The following OLFML2A variants were observed in gnomAD, a reference collection of about 807,000 sequenced individuals.
OLFML2A encodes olfactomedin-like protein 2A.
In OLFML2A, 47 loss-of-function variants were observed where a neutral mutation model predicts 60.9. The observed-to-expected ratio is 0.77, with a 90% CI of 0.61 to 0.98. The LOEUF (loss-of-function observed/expected upper bound fraction) is 0.98. Ranked by LOEUF, OLFML2A falls within the 50% of genes least tolerant of loss-of-function variation. The probability of loss-of-function intolerance (pLI) is 0.00; values close to 1 mark genes in which losing one functional copy is unlikely to be tolerated. For missense variants in OLFML2A, 922 were observed against 879.8 expected (o/e 1.05, Z -0.61); for synonymous variants, 372 against 375.0 (o/e 0.99, Z 0.09).
intron 6 of OLFML2A, among the ~76,000 whole-genome samples, chr9:124,805,967 C>T (rs1221805360): frequency 1.3e-5 from 2 of 151,568 alleles, no homozygotes; most frequent in Non-Finnish European, 2.9e-5. Flanking sequence ...AGGCACACAC[C>T]ACCACGCCTG....
intron 2 of OLFML2A, among the ~76,000 whole-genome samples, chr9:124,788,296 G>A (rs1187118671): frequency 3.4e-5 from 4 of 118,106 alleles, no homozygotes; most frequent in South Asian, 2.9e-4. Flanking sequence ...AGCGAGACTC[G>A]GTCTCAAAAA....
intron 1 of OLFML2A, among the ~76,000 whole-genome samples, chr9:124,785,390 CTTTTTTTTTTTTT>C (rs1171618111): frequency 3.2e-5 from 2 of 62,254 alleles, no homozygotes; most frequent in African/African-American, 6.7e-5. Context: ...CATTTTCTTT[CTTTTTTTTTTTTT>C]TTTTTTTTTT....
At chr9:124,799,245 G>C in intron 3 of OLFML2A, 40 bp from the exon 4 acceptor site, 1 of 1,419,814 alleles carries the variant, frequency 7.0e-7, no homozygotes, top group Admixed American at 1.7e-5. Context: ...TTCAGAGGAA[G>C]CTGGCCCAGG....
chr9:124,801,795 T>C, intron 5 of OLFML2A, 132 bp downstream of exon 5: 1 of 1,015,384 alleles, frequency 9.8e-7, no homozygotes, highest in Non-Finnish European at 1.4e-6. Flanking sequence ...TGCCCTCTGC[T>C]CATTCACATA....
chr9:124,814,036 T>C lies in OLFML2A; in HGVS notation c.*3624T>C, dbSNP rs1297273892. 6.6e-6 allele frequency: 1 copy of C among 152,234 alleles called. No homozygotes were observed. Among genetic ancestry groups the C allele is most frequent in the African/African-American group, 2.4e-5 (1 of 41,462 alleles). The allele number at this position is 152,234 out of a possible 1,614,324, so 9.4% of individuals were successfully genotyped here. A position where few individuals can be genotyped will look rare whatever the true frequency, so the allele number is the denominator to read the frequency against. ...GGGTGTTTCTGAACAACGTGACTCA[T>C]GAGGGGCTTTGGCTACCTCTTGCGT... On this transcript the variant is annotated 3_prime_UTR_variant, in exon 8 of 8. Transcript: ENST00000373580.
At chr9:124,785,390 C>CTTT (rs1171618111) in intron 1 of OLFML2A, among the ~76,000 whole-genome samples, 905 of 62,050 alleles carry the variant, frequency 0.015, 1 homozygote, top group Non-Finnish European at 0.016. Context: ...CATTTTCTTT[C>CTTT]TTTTTTTTTT....
At position 124,810,420 on chromosome 9, in the gene OLFML2A, CCT is replaced by C. The variant is rs751060239; in HGVS notation, c.*9_*10del. 3 of 1,585,490 alleles carry C rather than the reference CCT, an allele frequency of 1.9e-6. No individual in the cohort carries two copies. The African/African-American group carries it at 4.0e-5, about 21-fold the overall frequency. ...CTCCACTTCGTGGTCTGAGTGGAGA[CCT>C]GTGCTCCCCGGAGAGGGGCAGCAGT... is the stretch of plus-strand genomic sequence containing the variant. On this transcript the variant is annotated 3_prime_UTR_variant, in exon 8 of 8. Coordinates refer to ENST00000373580, the MANE Select transcript of OLFML2A (RefSeq NM_182487.4).
Position 124,810,531 on chromosome 9 carries a change from G to A in OLFML2A, c.*119G>A. 1 of 1,028,524 alleles carries A rather than the reference G, an allele frequency of 9.7e-7. No homozygotes were observed. Among genetic ancestry groups the A allele is most frequent in the South Asian group, 1.7e-5 (1 of 59,802 alleles). The allele number at this position is 1,028,524 out of a possible 1,614,324, so 63.7% of individuals were successfully genotyped here. ...GGGGCCAGCCCAGGGCTGGGACTGG[G>A]CATGAGGTGGTCACCAGGATTGAGC... On this transcript the variant is annotated 3_prime_UTR_variant, in exon 8 of 8. Transcript: ENST00000373580.
In OLFML2A at chr9:124,781,591, C is replaced by T. The variant is rs578023146; in HGVS notation, c.90+4231C>T. Among the ~76,000 whole-genome samples, 90 of 152,144 alleles carry T rather than the reference C, an allele frequency of 5.9e-4. 1 individual carries two copies. The South Asian group carries it at 0.018, about 31-fold the overall frequency. ...GGCAGATCACCTGAGGTCAGGAGTTCGAGACCAGCCTGGCCAACATAGTGA... is the reference window on the plus strand; with the variant it reads ...GGCAGATCACCTGAGGTCAGGAGTTTGAGACCAGCCTGGCCAACATAGTGA... On this transcript the variant is annotated intron_variant, in intron 1 of 7. Coordinates refer to ENST00000373580, the MANE Select transcript of OLFML2A (RefSeq NM_182487.4).
intron 4 of OLFML2A, chr9:124,800,781 T>C (rs1841758675): frequency 7.9e-6 from 10 of 1,262,186 alleles, no homozygotes; most frequent in Non-Finnish European, 1.0e-5. Context: ...TAACGATGAG[T>C]GATGTCACAG....
chr9:124,802,307 C>CT (rs1841793326), intron 5 of OLFML2A, among the ~76,000 whole-genome samples: 1 of 152,208 alleles, frequency 6.6e-6, no homozygotes, highest in East Asian at 1.9e-4. Flanking sequence ...CACTAAGACC[C>CT]GCCCCAGATG....
At position 124,810,254 on chromosome 9, in the gene OLFML2A, G is replaced by A. The variant is rs1467617032; in HGVS notation, c.1801G>A (p.Ala601Thr). ...YNQQEGQVAY[A>T]FDTHTGTDAR... is the part of the protein sequence containing the mutation. Reference sequence around the variant, plus strand: ...CCAGCAGGAAGGCCAGGTCGCCTACGCTTTCGACACGCACACGGGCACCGA... The same window carrying A: ...CCAGCAGGAAGGCCAGGTCGCCTACACTTTCGACACGCACACGGGCACCGA... The change falls in exon 8 of 8, where the codon GCT (alanine) becomes ACT (threonine). Residue 601 changes from alanine (A) to threonine (T), a missense_variant. Ala to Thr is a moderately conservative substitution (Grantham distance 58). Transcript: ENST00000373580. 8.1e-6 allele frequency: 13 copies of A among 1,612,530 alleles called. No homozygotes were observed. Among genetic ancestry groups the A allele is most frequent in the East Asian group, 2.2e-5 (1 of 44,886 alleles).
intron 3 of OLFML2A, among the ~76,000 whole-genome samples, chr9:124,796,658 T>G (rs1319763051): frequency 6.6e-6 from 1 of 152,338 alleles, no homozygotes; most frequent in East Asian, 1.9e-4. Context: ...GCTGGCTCCC[T>G]CTGCCAAAGG....
chr9:124,802,732 C>T (rs1841804890), intron 5 of OLFML2A, among the ~76,000 whole-genome samples: 1 of 152,214 alleles, frequency 6.6e-6, no homozygotes, highest in Non-Finnish European at 1.5e-5. Flanking sequence ...CCGCCAGGGC[C>T]CAGGCTGCCC....
rs1841989430 is a variant in OLFML2A, at chr9:124,810,411, G to A, written c.1958G>A (p.Ter653=). ...ACCTACACCCTCCACTTCGTGGTCT[G>A]AGTGGAGACCTGTGCTCCCCGGAGA... The part of the protein sequence containing the change: ...QLTYTLHFVV[*] The change falls in exon 8 of 8, where the codon TGA becomes TAA. Residue 653 remains the stop codon, a stop_retained_variant. Transcript: ENST00000373580. 6.9e-6 allele frequency: 11 copies of A among 1,592,850 alleles called. No individual in the cohort carries two copies. Among genetic ancestry groups the A allele is most frequent in the Non-Finnish European group, 9.4e-6 (11 of 1,174,790 alleles).
At chr9:124,800,482 G>A (rs532820174) in intron 4 of OLFML2A, among the ~76,000 whole-genome samples, 366 of 152,348 alleles carry the variant, frequency 2.4e-3, no homozygotes, top group African/African-American at 8.0e-3. Flanking sequence ...AGGCGGTGGC[G>A]GAGCTGGGAC....
intron 2 of OLFML2A, among the ~76,000 whole-genome samples, chr9:124,791,879 A>G (rs1418121360): frequency 6.6e-6 from 1 of 152,048 alleles, no homozygotes; most frequent in Non-Finnish European, 1.5e-5. Context: ...ACCTACTCCC[A>G]TTTTCTGTAA....
chr9:124,801,414 G>A lies in OLFML2A; in HGVS notation c.670G>A (p.Asp224Asn). Residue 224 changes from aspartate (D) to asparagine (N), a missense_variant and splice_region_variant, in exon 5 of 8, where the codon GAC (aspartate) becomes AAC (asparagine). Asp to Asn is a conservative substitution (Grantham distance 23). Coordinates refer to ENST00000373580, the MANE Select transcript of OLFML2A (RefSeq NM_182487.4). ...GTCTGAGACTTCTCTTCCCTCCCAGGACACAGCTAGAGGAAAAGGCAAGGA... is the reference window on the plus strand; with the variant it reads ...GTCTGAGACTTCTCTTCCCTCCCAGAACACAGCTAGAGGAAAAGGCAAGGA... ...PATGTGSKAQ[D>N]TARGKGKDIS... 6.2e-7 allele frequency: 1 copy of A among 1,613,996 alleles called. No homozygotes were observed. Among genetic ancestry groups the A allele is most frequent in the Non-Finnish European group, 8.5e-7 (1 of 1,179,952 alleles).
At chr9:124,795,374 TA>T (rs1841649888) in intron 3 of OLFML2A, among the ~76,000 whole-genome samples, 1 of 152,144 alleles carries the variant, frequency 6.6e-6, no homozygotes, top group Admixed American at 6.5e-5. Flanking sequence ...CTGCTGGTTG[TA>T]TGAAAGGGGT....
Sources: gnomAD v4.1 joint callset for allele counts (sites outside exome capture counted in the v4.1 genomes callset) on GRCh38, gnomAD v4.1.1 for gene constraint, MANE v1.5 for transcripts, NCBI Gene and HGNC (gene_info 2026-07-23, HGNC 2026-07-21) for gene names.